ABHD3: variants seen among roughly 807,000 people sequenced by gnomAD.
ABHD3 encodes the protein phospholipase ABHD3.
A neutral mutation model predicts 48.8 loss-of-function variants in ABHD3; 46 were observed. The observed-to-expected ratio is 0.94, with a 90% CI of 0.74 to 1.20. The LOEUF (loss-of-function observed/expected upper bound fraction) is 1.20. Among genes scored for constraint, ABHD3 ranks in the 50% most tolerant of loss-of-function variants. ABHD3 has a pLI of 0.00. For missense variants in ABHD3, 490 were observed against 497.8 expected (o/e 0.98, Z 0.15); for synonymous variants, 192 against 183.7 (o/e 1.04, Z -0.36).
At chr18:21,702,989 CCAAA>C (rs888506221) in intron 2 of ABHD3, among the ~76,000 whole-genome samples, 57 of 152,096 alleles carry the variant, frequency 3.7e-4, no homozygotes, top group African/African-American at 1.7e-4. Context: ...CAGAATTTTC[CCAAA>C]CAAACAGTGC....
chr18:21,660,300 A>T (rs766882594), intron 5 of ABHD3, among the ~76,000 whole-genome samples: 3 of 151,880 alleles, frequency 2.0e-5, no homozygotes, highest in Non-Finnish European at 4.4e-5. Flanking sequence ...GCTGCCAAGG[A>T]TCCTTGCACC....
At chr18:21,667,234 CTTTTTTTTTTTTTT>C (rs745430805) in intron 4 of ABHD3, among the ~76,000 whole-genome samples, 4 of 81,440 alleles carry the variant, frequency 4.9e-5, no homozygotes, top group South Asian at 9.3e-4. Context: ...CCACCACACC[CTTTTTTTTTTTTTT>C]TTTTTTTTTT....
At chr18:21,693,982 CCCA>C (rs2146330992) in intron 3 of ABHD3, among the ~76,000 whole-genome samples, 1 of 152,274 alleles carries the variant, frequency 6.6e-6, no homozygotes, top group Non-Finnish European at 1.5e-5. Flanking sequence ...ACCCCTGTCC[CCCA>C]CCAAGGCACC....
intron 1 of ABHD3, 127 bp downstream of exon 1, chr18:21,704,377 C>T (rs930279184): frequency 1.9e-6 from 2 of 1,047,050 alleles, no homozygotes; most frequent in East Asian, 3.6e-5. Context: ...TGGGGGCTGC[C>T]GCTCGGGAGC....
intron 2 of ABHD3, among the ~76,000 whole-genome samples, chr18:21,703,293 T>C (rs1568168476): frequency 7.5e-6 from 1 of 133,132 alleles, no homozygotes; most frequent in Non-Finnish European, 1.5e-5. Context: ...TTCTGACAGA[T>C]GTATGACAAA....
intron 4 of ABHD3, among the ~76,000 whole-genome samples, chr18:21,674,525 G>A (rs981629426): frequency 3.3e-5 from 5 of 152,090 alleles, no homozygotes; most frequent in African/African-American, 1.2e-4. Context: ...TGGGATTACA[G>A]GTGTGAGCCA....
intron 8 of ABHD3, 126 bp from the exon 9 acceptor site, chr18:21,651,889 A>G: frequency 2.5e-6 from 2 of 787,744 alleles, no homozygotes; most frequent in South Asian, 2.2e-5. Flanking sequence ...AAACACCATT[A>G]TATAAATATA....
chr18:21,652,318 C>G (rs960494375), intron 8 of ABHD3, among the ~76,000 whole-genome samples: 1 of 149,942 alleles, frequency 6.7e-6, no homozygotes, highest in African/African-American at 2.5e-5. Flanking sequence ...CATAGTGAGA[C>G]CCCATCTTGA....
chr18:21,657,326 T>C (rs1034614912), intron 6 of ABHD3, among the ~76,000 whole-genome samples, 174 bp from the exon 7 acceptor site: 2 of 151,976 alleles, frequency 1.3e-5, no homozygotes, highest in Admixed American at 1.3e-4. Flanking sequence ...GTGCTGAAGA[T>C]ATTTTCTTCA....
rs540868755 is a variant in ABHD3 at position 21,673,356 on chromosome 18, C to T, written c.556-9126G>A. On this transcript the variant is annotated intron_variant, in intron 4 of 8. Coordinates refer to ENST00000289119, the MANE Select transcript of ABHD3 (RefSeq NM_138340.5). Reference sequence around the variant, plus strand: ...TTGCCCAGGCTGGAGTGCAGTGGCACGATCTCAGGTCACCGCAACCTCCGC... The same window carrying T: ...TTGCCCAGGCTGGAGTGCAGTGGCATGATCTCAGGTCACCGCAACCTCCGC... 2.6e-4 allele frequency among the ~76,000 whole-genome samples: 40 copies of T among 151,140 alleles called. 1 individual carries two copies. Among genetic ancestry groups the T allele is most frequent in the Middle Eastern group, 7.1e-3 (2 of 280 alleles).
intron 6 of ABHD3, among the ~76,000 whole-genome samples, chr18:21,657,768 G>A (rs976306581): frequency 5.3e-5 from 8 of 151,984 alleles, no homozygotes; most frequent in South Asian, 2.1e-4. Context: ...TTAAAAGTAC[G>A]TAACAGTCAT....
intron 3 of ABHD3, among the ~76,000 whole-genome samples, chr18:21,697,336 G>A (rs551744648): frequency 1.3e-5 from 2 of 151,970 alleles, no homozygotes; most frequent in East Asian, 3.9e-4. Flanking sequence ...GACTCCCGAA[G>A]TGCTGGGATT....
chr18:21,665,784 T>C (rs1001575188), intron 4 of ABHD3, among the ~76,000 whole-genome samples: 24 of 150,486 alleles, frequency 1.6e-4, no homozygotes, highest in African/African-American at 5.6e-4. Context: ...TGCACTCCAG[T>C]CTGGGTGACA....
In ABHD3 at chr18:21,657,131, T is replaced by C. The variant is rs371010240; in HGVS notation, c.864A>G (p.Lys288=). The C allele has an allele frequency of 4.7e-5, 76 of 1,611,204 alleles. No individual in the cohort carries two copies. Among genetic ancestry groups the C allele is most frequent in the Non-Finnish European group, 6.3e-5 (74 of 1,178,648 alleles). ...TCATGACATGATCCATATCAACTTG[T>C]TTTACAAACATATGTCGGTGCCTGG... The part of the protein sequence containing the change: ...SVNKHRHMFV[K]QVDMDHVMKA... Residue 288 remains lysine (K), a synonymous_variant, in exon 7 of 9, where the codon AAA becomes AAG. Transcript: ENST00000289119.
At chr18:21,655,106 C>A (rs2039312746) in intron 8 of ABHD3, 1 of 151,742 alleles carries the variant, frequency 6.6e-6, no homozygotes, top group African/African-American at 2.4e-5. Flanking sequence ...ATAAATCACA[C>A]AATAAAATAG....
chr18:21,682,801 T>C (rs1196874094), intron 4 of ABHD3: 1 of 152,224 alleles, frequency 6.6e-6, no homozygotes, highest in East Asian at 1.9e-4. Flanking sequence ...ATGATTTGCC[T>C]GGGCCAGGGC....
chr18:21,662,921 G>C (rs756225433), intron 5 of ABHD3, among the ~76,000 whole-genome samples: 1 of 152,194 alleles, frequency 6.6e-6, no homozygotes, highest in Non-Finnish European at 1.5e-5. Context: ...TAAGGGAAAA[G>C]TTCAGCTCTC....
At position 21,651,392 on chromosome 18, in the gene ABHD3, G is replaced by GT. The variant is rs1340115390; in HGVS notation, c.*198dup. On this transcript the variant is annotated 3_prime_UTR_variant, in exon 9 of 9. Transcript: ENST00000289119. ...CATAGTAAAAATAAAATCTACGTAA[G>GT]TAACAATCTAATACTATATTTAATT... 8.7e-6 allele frequency: 4 copies of GT among 459,694 alleles called. No individual in the cohort carries two copies. Among genetic ancestry groups the GT allele is most frequent in the African/African-American group, 2.0e-5 (1 of 49,178 alleles). The allele number at this position is 459,694 out of a possible 1,614,324, so 28.5% of individuals were successfully genotyped here.
chr18:21,661,102 T>TAAAAAAAA (rs35710540), intron 5 of ABHD3, among the ~76,000 whole-genome samples: 12 of 57,216 alleles, frequency 2.1e-4, no homozygotes, highest in South Asian at 8.2e-4. Context: ...AACTACAAGC[T>TAAAAAAAA]AAAAAAAAAA....
Sources: gnomAD v4.1 joint callset for allele counts (sites outside exome capture counted in the v4.1 genomes callset) on GRCh38, gnomAD v4.1.1 for gene constraint, MANE v1.5 for transcripts, NCBI Gene and HGNC (gene_info 2026-07-23, HGNC 2026-07-21) for gene names.